KAZN: variants seen among roughly 807,000 people sequenced by gnomAD.
The protein encoded by KAZN is kazrin.
Under a neutral mutation model 87.4 loss-of-function variants are expected in KAZN, and 40 were observed. The ratio of observed to expected loss-of-function variants is 0.46; its 90% CI spans 0.36 to 0.60. The LOEUF is 0.60. KAZN is among the 20% of genes least tolerant of loss of function. The pLI is 0.00. For missense variants in KAZN, 898 were observed against 1,073.9 expected, an observed-to-expected ratio of 0.84 and a Z score of 2.29; for synonymous variants, 466 against 458.3, an observed-to-expected ratio of 1.02 and a Z score of -0.22.
upstream of KAZN, among the ~76,000 whole-genome samples, chr1:14,596,513 G>C (rs369421558): frequency 6.6e-6 from 1 of 152,160 alleles, no homozygotes; most frequent in Admixed American, 6.5e-5. Flanking sequence ...TACATTCACC[G>C]TGTTGTGCCA....
In KAZN at chr1:14,498,935, C is replaced by A. The variant is rs183054138; in HGVS notation, c.250-100048C>A. ...GGACAGTAACAGCTTCCCACTCTTGCCTGTCCTCGGTGCTTTGTCATCCTT... is the reference window on the plus strand; with the variant it reads ...GGACAGTAACAGCTTCCCACTCTTGACTGTCCTCGGTGCTTTGTCATCCTT... On this transcript the variant is annotated intron_variant, in intron 2 of 16. Coordinates refer to the KAZN transcript ENST00000636203. Among the ~76,000 whole-genome samples, 632 of 152,134 alleles carry A rather than the reference C, an allele frequency of 4.2e-3. 10 individuals carry two copies. Among genetic ancestry groups the A allele is most frequent in the African/African-American group, 0.014 (569 of 41,536 alleles).
intron 1 of KAZN, among the ~76,000 whole-genome samples, chr1:13,921,614 T>C (rs187080837): frequency 0.016 from 2,462 of 152,240 alleles, 34 homozygotes; most frequent in South Asian, 0.041. Flanking sequence ...TATCCTGCCT[T>C]GCACTATAGT....
chr1:14,121,903 A>G (rs4662107), intron 1 of KAZN, among the ~76,000 whole-genome samples: 83,907 of 151,884 alleles, frequency 0.55, 24,258 homozygotes, highest in East Asian at 0.74. Flanking sequence ...GGAAATAGCC[A>G]GTGCAAGGCC....
chr1:14,706,374 T>C (rs912477781), intron 1 of KAZN, among the ~76,000 whole-genome samples: 1 of 152,074 alleles, frequency 6.6e-6, no homozygotes, highest in African/African-American at 2.4e-5. Flanking sequence ...TGAAACCAGT[T>C]CCTGGTGCCA....
intron 3 of KAZN, among the ~76,000 whole-genome samples, chr1:15,037,329 C>T (rs1200423886): frequency 1.3e-5 from 2 of 152,228 alleles, no homozygotes; most frequent in East Asian, 3.8e-4. Flanking sequence ...TGACCTTCTA[C>T]TTGTCCCCTG....
At chr1:14,985,624 T>C (rs1444009178) in intron 2 of KAZN, among the ~76,000 whole-genome samples, 3 of 152,224 alleles carry the variant, frequency 2.0e-5, no homozygotes, top group African/African-American at 7.2e-5. Context: ...CCTGATGTGA[T>C]GCTTTGAGAA....
At chr1:14,527,639 C>CA in intron 2 of KAZN, among the ~76,000 whole-genome samples, 1 of 152,066 alleles carries the variant, frequency 6.6e-6, no homozygotes, top group Admixed American at 6.5e-5. Flanking sequence ...GCATCTGCTC[C>CA]TGGTGAGGGG....
In KAZN at chr1:14,949,962, G is replaced by A. The variant is rs1294335051; in HGVS notation, c.227-10722G>A. 6.6e-6 allele frequency among the ~76,000 whole-genome samples: 1 copy of A among 152,088 alleles called. No individual in the cohort carries two copies. Among genetic ancestry groups the A allele is most frequent in the Non-Finnish European group, 1.5e-5 (1 of 68,034 alleles). On this transcript the variant is annotated intron_variant, in intron 1 of 14. Transcript: ENST00000376030. The surrounding 1 kb of genome is among the most constrained non-coding windows in gnomAD (Gnocchi z 4.3). ...TGGCTAAAGGTGTGTTTACAGGCCA[G>A]CGGCTTCACCGGAAGAGCCTCTGCA...
Position 15,012,669 on chromosome 1 carries a change from C to A in KAZN, c.419-22080C>A, listed in dbSNP as rs146156883. 7.6e-4 allele frequency among the ~76,000 whole-genome samples: 116 copies of A among 152,316 alleles called. 2 individuals are homozygous for A. The highest frequency in any genetic ancestry group is 2.4e-3 in the African/African-American group (98 of 41,570). On this transcript the variant is annotated intron_variant, in intron 2 of 14. Transcript: ENST00000376030. ...CGGCGTGGTTGCTCACGCCTGTAAT[C>A]CCAGCACTTTAGGAGGCTGAGGCGG...
chr1:14,222,667 G>A (rs1647131926), intron 2 of KAZN, among the ~76,000 whole-genome samples: 1 of 152,196 alleles, frequency 6.6e-6, no homozygotes. Context: ...AATATAATTT[G>A]TGAAATACAG....
At chr1:14,048,429 AG>A (rs1213242087) in intron 1 of KAZN, among the ~76,000 whole-genome samples, 2 of 147,888 alleles carry the variant, frequency 1.4e-5, no homozygotes, top group African/African-American at 5.0e-5. Flanking sequence ...TCTGAGATAG[AG>A]TCTTGCTCTG....
chr1:14,819,705 T>TA (rs1572566657), intron 1 of KAZN, among the ~76,000 whole-genome samples: 32 of 124,310 alleles, frequency 2.6e-4, no homozygotes, highest in South Asian at 5.0e-4. Flanking sequence ...TGAAAAAAAA[T>TA]CTTTTTTTTT....
chr1:14,783,704 C>A (rs957186702), intron 1 of KAZN, among the ~76,000 whole-genome samples: 1 of 152,080 alleles, frequency 6.6e-6, no homozygotes, highest in Admixed American at 6.6e-5. Flanking sequence ...TTCACTCAGG[C>A]GGTGGCCTTG....
At chr1:14,853,352 A>G (rs1203718289) in intron 1 of KAZN, among the ~76,000 whole-genome samples, 4 of 152,092 alleles carry the variant, frequency 2.6e-5, no homozygotes, top group African/African-American at 9.7e-5. Flanking sequence ...GCAAGCACGA[A>G]CCTGCCCAAT....
intron 8 of KAZN, among the ~76,000 whole-genome samples, chr1:15,086,128 G>A (rs1303932215): frequency 1.3e-5 from 2 of 152,002 alleles, no homozygotes; most frequent in Non-Finnish European, 2.9e-5. Context: ...CCCCGACCAC[G>A]CCCGGCTAAT....
intron 2 of KAZN, among the ~76,000 whole-genome samples, chr1:14,253,480 T>C (rs1650233591): frequency 1.3e-5 from 2 of 152,222 alleles, no homozygotes; most frequent in African/African-American, 4.8e-5. Context: ...TATATAATTG[T>C]CCATAGGACT....
chr1:14,620,075 C>G (rs1355549810), intron 1 of KAZN, among the ~76,000 whole-genome samples: 1 of 152,168 alleles, frequency 6.6e-6, no homozygotes, highest in Non-Finnish European at 1.5e-5. Context: ...AACAGTTACC[C>G]ATCTGTACAA....
intron 1 of KAZN, among the ~76,000 whole-genome samples, chr1:14,072,649 A>G (rs1028804443): frequency 6.6e-6 from 1 of 152,154 alleles, no homozygotes; most frequent in Non-Finnish European, 1.5e-5. Context: ...GGAAAACAGA[A>G]CGAGTGTGCA....
At chr1:14,461,125 C>T (rs964216571) in intron 2 of KAZN, among the ~76,000 whole-genome samples, 8 of 152,310 alleles carry the variant, frequency 5.3e-5, no homozygotes, top group African/African-American at 1.9e-4. Flanking sequence ...CCCATTTCCT[C>T]ACTGGGACCT....
Sources: allele counts gnomAD v4.1 joint callset (sites outside exome capture counted in the v4.1 genomes callset), GRCh38; gene constraint gnomAD v4.1.1; non-coding constraint Gnocchi (gnomAD v3.1); transcripts MANE v1.5; gene names NCBI Gene and HGNC (gene_info 2026-07-23, HGNC 2026-07-21).